Variants in RGR observed in about 807,000 individuals in gnomAD.
RGR encodes retinal G protein coupled receptor.
In RGR, 30 loss-of-function variants were observed where a neutral mutation model predicts 28.6. The observed-to-expected ratio is 1.05, with a 90% CI of 0.78 to 1.42. RGR has a LOEUF of 1.42. RGR is among the 40% of genes most tolerant of loss of function. RGR has a pLI of 0.00. For synonymous variants in RGR, 180 were observed against 156.4 expected, an observed-to-expected ratio of 1.15 and a Z score of -1.13; for missense variants, 404 against 375.6, an observed-to-expected ratio of 1.08 and a Z score of -0.62.
rs753782821 is a variant in RGR at position 84,252,850 on chromosome 10, TG to T, written c.359-6del. On this transcript the variant is annotated splice_polypyrimidine_tract_variant and splice_region_variant and intron_variant, in intron 3 of 6. Coordinates refer to ENST00000652092, the MANE Select transcript of RGR (RefSeq NM_001012720.2). ...ACAACCTCCTCTTCTTCCTCTGTCC[TG>T]TGCAGGTAGCCAGCTGGCCTGGAAC... The T allele has an allele frequency of 1.8e-5, 29 of 1,614,002 alleles. No homozygotes were observed. The Middle Eastern group carries it at 4.9e-4, about 27-fold the overall frequency.
Position 84,248,905 on chromosome 10 carries a change from C to T in RGR, c.237-17C>T. ...AGGATCGGAGGAGAGGTCACTGGTGCCCAGTGTCTCCCACAGGCGCTGGCC... is the reference window on the plus strand; with the variant it reads ...AGGATCGGAGGAGAGGTCACTGGTGTCCAGTGTCTCCCACAGGCGCTGGCC... On this transcript the variant is annotated splice_polypyrimidine_tract_variant and intron_variant, in intron 2 of 6. Transcript: ENST00000652092. 1 of 1,614,178 alleles carries T rather than the reference C, an allele frequency of 6.2e-7. No homozygotes were observed. The highest frequency in any genetic ancestry group is 8.5e-7 in the Non-Finnish European group (1 of 1,180,022).
Position 84,257,896 on chromosome 10 carries a change from AAC to A in RGR, c.637_638del (p.Thr213HisfsTer57). On this transcript the variant is annotated frameshift_variant, in exon 6 of 7. Transcript: ENST00000652092. LOFTEE classifies it high-confidence loss of function. ...KLGKSGHLQV[N>X]TTLPARTLLL... ...TCCTGTGACAATTTCTCCCCAGGTA[AAC>A]ACCACTCTGCCAGCAAGGACGCTGC... 6.2e-7 allele frequency: 1 copy of A among 1,613,864 alleles called. No homozygotes were observed. Among genetic ancestry groups the A allele is most frequent in the South Asian group, 1.1e-5 (1 of 91,072 alleles).
At chr10:84,258,431 A>G in intron 6 of RGR, 77 bp from the exon 7 acceptor site, 3 of 1,610,860 alleles carry the variant, frequency 1.9e-6, no homozygotes, top group Non-Finnish European at 2.5e-6. Context: ...GTGGAGGGTG[A>G]CCGGGGTCAC....
intron 5 of RGR, among the ~76,000 whole-genome samples, chr10:84,256,986 T>G (rs966087138): frequency 1.2e-4 from 18 of 151,274 alleles, no homozygotes; most frequent in Non-Finnish European, 2.1e-4. Context: ...GTTCGTGGGT[T>G]TTTTTTTCCC....
chr10:84,248,957 A>G lies in RGR; in HGVS notation c.272A>G (p.His91Arg), dbSNP rs1842781562. ...WPYGSDGCQAHGFQGFVTALA... is the reference protein window; with the variant it reads ...WPYGSDGCQARGFQGFVTALA... ...TACGGCTCGGACGGCTGCCAGGCTCACGGCTTCCAGGGCTTTGTGACAGCG... is the reference window on the plus strand; with the variant it reads ...TACGGCTCGGACGGCTGCCAGGCTCGCGGCTTCCAGGGCTTTGTGACAGCG... The change falls in exon 3 of 7, where the codon CAC (histidine) becomes CGC (arginine). Residue 91 changes from histidine (H) to arginine (R), a missense_variant. By Grantham distance (29) the His-to-Arg change is conservative. Transcript: ENST00000652092. 1.2e-6 allele frequency: 2 copies of G among 1,614,052 alleles called. No homozygotes were observed. The highest frequency in any genetic ancestry group is 3.3e-5 in the Admixed American group (2 of 60,010).
chr10:84,249,294 T>C (rs933229629), intron 3 of RGR, among the ~76,000 whole-genome samples: 4 of 152,188 alleles, frequency 2.6e-5, no homozygotes, highest in African/African-American at 9.6e-5. Flanking sequence ...CTCTGAACCT[T>C]AGTCTCCTCC....
chr10:84,250,366 G>A (rs1008287870), intron 3 of RGR: 1 of 717,362 alleles, frequency 1.4e-6, no homozygotes, highest in Non-Finnish European at 2.6e-6. Context: ...GGTCTCTCCT[G>A]TCATATGCCT....
At chr10:84,256,236 T>G (rs1842886024) in intron 5 of RGR, among the ~76,000 whole-genome samples, 1 of 151,858 alleles carries the variant, frequency 6.6e-6, no homozygotes, top group African/African-American at 2.4e-5. Context: ...GCCTGGCTAA[T>G]TTTTGTATCT....
intron 1 of RGR, among the ~76,000 whole-genome samples, chr10:84,245,724 C>T (rs546118847): frequency 5.3e-5 from 8 of 152,150 alleles, no homozygotes; most frequent in African/African-American, 1.9e-4. Flanking sequence ...TCATTCACTC[C>T]CATCCTCTCC....
chr10:84,258,540 G>T lies in RGR; in HGVS notation c.777G>T (p.Thr259=). 1 of 1,614,188 alleles carries T rather than the reference G, an allele frequency of 6.2e-7. No individual in the cohort carries two copies. Among genetic ancestry groups the T allele is most frequent in the Non-Finnish European group, 8.5e-7 (1 of 1,180,034 alleles). ...CCCTCATTGCCAAAATGGTGCCCAC[G>T]ATCAATGCCATCAACTATGCCCTGG... ...VPALIAKMVP[T]INAINYALGN... Residue 259 remains threonine (T), a synonymous_variant, in exon 7 of 7, where the codon ACG becomes ACT. Transcript: ENST00000652092.
chr10:84,247,024 G>C (rs965742579), intron 1 of RGR, among the ~76,000 whole-genome samples: 9 of 152,174 alleles, frequency 5.9e-5, no homozygotes, highest in Non-Finnish European at 8.8e-5. Context: ...CCTCACTTTA[G>C]ATAGGGGAAG....
Position 84,250,532 on chromosome 10 carries a change from A to ACACG in RGR, c.358+1492_358+1493insGCAC. 8.7e-6 allele frequency: 6 copies of ACACG among 689,758 alleles called. No homozygotes were observed. The South Asian group carries it at 9.2e-5, about 11-fold the overall frequency. 42.7% of individuals were successfully genotyped at this position (689,758 alleles called of 1,614,324 possible). On this transcript the variant is annotated intron_variant, in intron 3 of 6. Coordinates refer to ENST00000652092, the MANE Select transcript of RGR (RefSeq NM_001012720.2). ...GACCATCTTATACACACACACACAC[A>ACACG]CACACACACACACACACACACACCA...
At chr10:84,245,198 G>C in intron 1 of RGR, 29 bp downstream of exon 1, 1 of 1,607,096 alleles carries the variant, frequency 6.2e-7, no homozygotes, top group Non-Finnish European at 8.5e-7. Flanking sequence ...GGGGTGCAGC[G>C]GGGGCCCAGT....
Position 84,253,023 on chromosome 10 carries a change from G to A in RGR, c.512+13G>A. 1.2e-6 allele frequency: 2 copies of A among 1,611,718 alleles called. No homozygotes were observed. The highest frequency in any genetic ancestry group is 1.7e-6 in the Non-Finnish European group (2 of 1,179,384). On this transcript the variant is annotated intron_variant, in intron 4 of 6. Transcript: ENST00000652092. ...CCAAGGGGGACAGGTGAGGTGGGAG[G>A]AGCAGCTTCGAGGCTCCTATCCATG...
At chr10:84,254,527 CACACACAAACAGCAAA>C in intron 5 of RGR, 84 bp downstream of exon 5, 2 of 1,090,046 alleles carry the variant, frequency 1.8e-6, no homozygotes, top group Non-Finnish European at 2.8e-6. Flanking sequence ...TTGGATGTGA[CACACACAAACAGCAAA>C]ACAAATATTC....
chr10:84,255,463 C>T (rs956476656), intron 5 of RGR: 1 of 152,222 alleles, frequency 6.6e-6, no homozygotes, highest in African/African-American at 2.4e-5. Context: ...AATTTAATCA[C>T]AGTCACAGGG....
intron 2 of RGR, 144 bp from the exon 3 acceptor site, chr10:84,248,778 C>A: frequency 1.4e-6 from 2 of 1,476,934 alleles, no homozygotes; most frequent in Non-Finnish European, 1.9e-6. Flanking sequence ...AGCTCCAACG[C>A]CTCATAGGAA....
intron 1 of RGR, 84 bp from the exon 2 acceptor site, chr10:84,247,507 G>A (rs1285725935): frequency 4.0e-6 from 6 of 1,497,714 alleles, no homozygotes; most frequent in African/African-American, 1.4e-5. Flanking sequence ...GGAGGTTGCT[G>A]ATGTTCCATC....
At chr10:84,253,395 T>C (rs750898859) in intron 4 of RGR, among the ~76,000 whole-genome samples, 2 of 152,130 alleles carry the variant, frequency 1.3e-5, no homozygotes, top group African/African-American at 2.4e-5. Flanking sequence ...CTTGGTACAA[T>C]AGATTCAAAG....
Sources: allele counts gnomAD v4.1 joint callset (sites outside exome capture counted in the v4.1 genomes callset), GRCh38; gene constraint gnomAD v4.1.1; transcripts MANE v1.5; gene names NCBI Gene and HGNC (gene_info 2026-07-23, HGNC 2026-07-21).